SPATA3: variants seen among roughly 807,000 people sequenced by gnomAD.
The protein encoded by SPATA3 is spermatogenesis-associated protein 3.
In SPATA3, 6 loss-of-function variants were observed where a neutral mutation model predicts 5.7. The ratio of observed to expected loss-of-function variants is 1.06; its 90% CI spans 0.58 to 2.09. The LOEUF is 2.09. Among genes scored for constraint, SPATA3 ranks in the 30% most tolerant of loss-of-function variants. SPATA3 has a pLI of 0.00. For synonymous variants in SPATA3, 44 were observed against 48.4 expected, an observed-to-expected ratio of 0.91 and a Z score of 0.37; for missense variants, 155 against 130.4, an observed-to-expected ratio of 1.19 and a Z score of -0.92.
downstream of SPATA3, among the ~76,000 whole-genome samples, chr2:231,011,719 T>C (rs1232560339): frequency 6.6e-6 from 1 of 151,038 alleles, no homozygotes. Context: ...GCCATGAGAC[T>C]CAGGGGACAC....
chr2:230,998,444 T>G (rs1367618903), intron 1 of SPATA3, among the ~76,000 whole-genome samples: 1 of 152,232 alleles, frequency 6.6e-6, no homozygotes, highest in Non-Finnish European at 1.5e-5. Flanking sequence ...AGTCTTTTAA[T>G]GAACACATGT....
At chr2:231,006,264 G>A (rs1314407475), downstream of SPATA3, among the ~76,000 whole-genome samples, 1 of 151,442 alleles carries the variant, frequency 6.6e-6, no homozygotes, top group Admixed American at 6.6e-5. Flanking sequence ...CAGTTTGGAA[G>A]GCCGAGGCAG....
intron 6 of SPATA3, among the ~76,000 whole-genome samples, chr2:231,016,299 G>A (rs745528430): frequency 6.6e-5 from 10 of 151,916 alleles, no homozygotes; most frequent in Non-Finnish European, 1.3e-4. Context: ...GCTCTCCTCA[G>A]AGGAGCAGAT....
downstream of SPATA3, among the ~76,000 whole-genome samples, chr2:231,008,406 T>A (rs1407582140): frequency 6.6e-6 from 1 of 152,144 alleles, no homozygotes; most frequent in African/African-American, 2.4e-5. Context: ...CACAGACCCA[T>A]GCCCAGGTGA....
intron 4 of SPATA3, among the ~76,000 whole-genome samples, chr2:231,012,425 TCTC>T (rs1692812469): frequency 1.3e-5 from 2 of 152,096 alleles, no homozygotes; most frequent in Non-Finnish European, 2.9e-5. Flanking sequence ...GTTCTGCCCT[TCTC>T]CTGCCTGCCA....
At chr2:231,007,298 A>C (rs929666274), downstream of SPATA3, 3 of 152,090 alleles carry the variant, frequency 2.0e-5, no homozygotes, top group Admixed American at 1.3e-4. Flanking sequence ...CTGTTTCTTT[A>C]GCATGTTTTA....
chr2:231,006,511 AAAAAG>A (rs1229013612), downstream of SPATA3, among the ~76,000 whole-genome samples: 1 of 152,100 alleles, frequency 6.6e-6, no homozygotes, highest in East Asian at 1.9e-4. Flanking sequence ...CTCAAAAAAA[AAAAAG>A]AAAGAAAGAA....
chr2:231,019,133 AT>A (rs10715003), intron 6 of SPATA3, among the ~76,000 whole-genome samples: 84,796 of 148,614 alleles, frequency 0.57, 24,153 homozygotes, highest in African/African-American at 0.65. Flanking sequence ...CGCTTGGCTA[AT>A]TTTTTTTTGT....
exon 6 of SPATA3, chr2:231,014,177 A>T (rs1021528968): frequency 3.9e-5 from 6 of 152,228 alleles, no homozygotes; most frequent in Non-Finnish European, 5.9e-5. Context: ...TAAAGAACAA[A>T]GCATCCTTCA....
chr2:231,018,021 T>A (rs897811985), intron 6 of SPATA3, among the ~76,000 whole-genome samples: 1 of 151,984 alleles, frequency 6.6e-6, no homozygotes, highest in Non-Finnish European at 1.5e-5. Flanking sequence ...GCCTCCCAGG[T>A]TTAAGCCGTT....
At chr2:231,000,745 C>T (rs942495241) in intron 2 of SPATA3, among the ~76,000 whole-genome samples, 5 of 152,196 alleles carry the variant, frequency 3.3e-5, no homozygotes, top group African/African-American at 4.8e-5. Context: ...GTACCCACCC[C>T]GCCTGTACAG....
At chr2:231,005,569 C>A, downstream of SPATA3, among the ~76,000 whole-genome samples, 1 of 122,460 alleles carries the variant, frequency 8.2e-6, no homozygotes. Flanking sequence ...TCATCACCAT[C>A]ATCATCACCA....
chr2:231,018,264 T>C (rs1249235441), intron 6 of SPATA3, among the ~76,000 whole-genome samples: 1 of 152,178 alleles, frequency 6.6e-6, no homozygotes, highest in Non-Finnish European at 1.5e-5. Flanking sequence ...TCTGAACTCA[T>C]ATTGCAGGAA....
chr2:231,005,043 TCACCACCAC>T (rs1303262777), downstream of SPATA3, among the ~76,000 whole-genome samples: 9 of 90,738 alleles, frequency 9.9e-5, no homozygotes, highest in Admixed American at 2.2e-4. Flanking sequence ...ACCATCATCA[TCACCACCAC>T]CACCATCACC....
chr2:231,009,554 G>A (rs752401270), downstream of SPATA3, among the ~76,000 whole-genome samples: 3 of 152,144 alleles, frequency 2.0e-5, no homozygotes, highest in East Asian at 1.9e-4. Flanking sequence ...GCATCCTCCC[G>A]GACAGTCACT....
At chr2:230,999,016 C>T (rs1692244446) in intron 1 of SPATA3, among the ~76,000 whole-genome samples, 1 of 152,118 alleles carries the variant, frequency 6.6e-6, no homozygotes, top group African/African-American at 2.4e-5. Context: ...AATGGATAAA[C>T]AAAATGTGGT....
intron 6 of SPATA3, among the ~76,000 whole-genome samples, chr2:231,018,254 T>C (rs1692981525): frequency 6.6e-6 from 1 of 152,134 alleles, no homozygotes; most frequent in Non-Finnish European, 1.5e-5. Context: ...CAAGCTGCCA[T>C]CTGAACTCAT....
At chr2:230,996,436 C>G (rs962226725) in intron 1 of SPATA3, 2 of 1,552,398 alleles carry the variant, frequency 1.3e-6, no homozygotes, top group Middle Eastern at 1.7e-4. Flanking sequence ...CGGCAGCCAG[C>G]ATTCCAAGCC....
At chr2:231,000,662 C>T in intron 2 of SPATA3, 125 bp downstream of exon 2, 1 of 1,084,076 alleles carries the variant, frequency 9.2e-7, no homozygotes, top group Non-Finnish European at 1.2e-6. Context: ...GAAAGCCTTT[C>T]TTTCCCTCTT....
Sources: gnomAD v4.1 joint callset for allele counts (sites outside exome capture counted in the v4.1 genomes callset) on GRCh38, gnomAD v4.1.1 for gene constraint, MANE v1.5 for transcripts, NCBI Gene and HGNC (gene_info 2026-07-23, HGNC 2026-07-21) for gene names.